The following MED13L variants were observed in gnomAD, a reference collection of about 807,000 sequenced individuals.
MED13L encodes mediator complex subunit 13L.
MED13L carries 7 observed loss-of-function variants against 220.9 expected under a neutral mutation model. The observed-to-expected ratio is 0.03, with a 90% confidence interval of 0.02 to 0.06. The LOEUF is 0.06. MED13L is among the 10% of genes least tolerant of loss of function. The probability of loss-of-function intolerance (pLI) is 1.00; values close to 1 mark genes in which losing one functional copy is unlikely to be tolerated. For synonymous variants in MED13L, 1,011 were observed against 1,015.2 expected (o/e 1.00, Z 0.08); for missense variants, 1,965 against 2,760.5 (o/e 0.71, Z 6.46).
At chr12:116,146,507 ATTC>A (rs896883321) in intron 2 of MED13L, among the ~76,000 whole-genome samples, 1 of 151,654 alleles carries the variant, frequency 6.6e-6, no homozygotes, top group African/African-American at 2.4e-5. Context: ...GCCCAAGACA[ATTC>A]TTCTTTCAGC....
At chr12:116,045,494 T>C (rs1239428989) in intron 4 of MED13L, among the ~76,000 whole-genome samples, 1 of 152,216 alleles carries the variant, frequency 6.6e-6, no homozygotes, top group African/African-American at 2.4e-5. Context: ...GTAGGAGCTC[T>C]TCCTTTACTA....
chr12:116,028,584 T>A (rs1195944523), intron 4 of MED13L, among the ~76,000 whole-genome samples: 5 of 152,166 alleles, frequency 3.3e-5, no homozygotes, highest in African/African-American at 7.2e-5. Flanking sequence ...TTCACCCCTA[T>A]TCAACATCAA....
chr12:116,085,754 T>TCACACACACACACACA (rs10611880), intron 4 of MED13L, among the ~76,000 whole-genome samples: 1 of 147,018 alleles, frequency 6.8e-6, no homozygotes, highest in African/African-American at 2.5e-5. Context: ...TTAAAATCAC[T>TCACACACACACACACA]CACACACACA....
intron 18 of MED13L, 85 bp downstream of exon 18, chr12:115,987,024 C>T (rs1006505688): frequency 1.1e-5 from 15 of 1,366,032 alleles, no homozygotes; most frequent in African/African-American, 5.8e-5. Context: ...TTGTTAGTGA[C>T]GCAAGGACTT....
In MED13L at chr12:116,052,669, AT is replaced by A. The variant is rs1194831692; in HGVS notation, c.480-30069del. Among the ~76,000 whole-genome samples, 11 of 152,344 alleles carry A rather than the reference AT, an allele frequency of 7.2e-5. No homozygotes were observed. The East Asian group carries it at 2.1e-3, about 29-fold the overall frequency. On this transcript the variant is annotated intron_variant, in intron 4 of 30. Coordinates refer to ENST00000281928, the MANE Select transcript of MED13L (RefSeq NM_015335.5). ...TTAAGATTCTGGTTTGCATTACACC[AT>A]TTTGACAAATTAGCCATCCCAATCT... is the stretch of plus-strand genomic sequence containing the variant.
At chr12:116,089,701 C>T (rs1872020818) in intron 4 of MED13L, among the ~76,000 whole-genome samples, 1 of 151,892 alleles carries the variant, frequency 6.6e-6, no homozygotes, top group Non-Finnish European at 1.5e-5. Context: ...TAAATAAATA[C>T]AAAATAAATG....
chr12:116,108,016 G>C (rs1873730873), intron 3 of MED13L, among the ~76,000 whole-genome samples: 1 of 152,028 alleles, frequency 6.6e-6, no homozygotes, highest in Non-Finnish European at 1.5e-5. Flanking sequence ...CTTGAACCTG[G>C]GAGGCGGAGG....
intron 2 of MED13L, among the ~76,000 whole-genome samples, chr12:116,179,787 C>T (rs1293682572): frequency 6.6e-6 from 1 of 151,838 alleles, no homozygotes; most frequent in Non-Finnish European, 1.5e-5. Context: ...TTACATACAA[C>T]CCTACATGGA....
Position 116,008,384 on chromosome 12 carries a change from G to C in MED13L, c.2012+17C>G, listed in dbSNP as rs754589857. 5 of 1,597,962 alleles carry C rather than the reference G, an allele frequency of 3.1e-6. No individual in the cohort carries two copies. The East Asian group carries it at 1.1e-4, about 36-fold the overall frequency. On this transcript the variant is annotated intron_variant, in intron 10 of 30. Coordinates refer to ENST00000281928, the MANE Select transcript of MED13L (RefSeq NM_015335.5). ...CCCTTCCGGTGGACGGGTGGGTGGT[G>C]CAGAGAGCTGTCTTACCTTTGCAAT...
intron 2 of MED13L, among the ~76,000 whole-genome samples, chr12:116,185,124 C>T (rs887007564): frequency 1.3e-5 from 2 of 152,048 alleles, no homozygotes; most frequent in Admixed American, 6.5e-5. Context: ...ATTCTCAAAG[C>T]GCCTCATTTG....
chr12:116,018,835 A>G (rs1879881542), intron 7 of MED13L, among the ~76,000 whole-genome samples: 1 of 151,632 alleles, frequency 6.6e-6, no homozygotes, highest in Non-Finnish European at 1.5e-5. Context: ...CTGGCTGACA[A>G]TGGTCACCGG....
At chr12:116,235,660 T>C (rs1022376949) in intron 2 of MED13L, among the ~76,000 whole-genome samples, 1 of 152,194 alleles carries the variant, frequency 6.6e-6, no homozygotes, top group Non-Finnish European at 1.5e-5. Context: ...CTAAAGCAAC[T>C]ATCCCAAAAT....
At chr12:116,157,763 C>CA (rs1389369877) in intron 2 of MED13L, among the ~76,000 whole-genome samples, 3 of 152,208 alleles carry the variant, frequency 2.0e-5, no homozygotes, top group Admixed American at 2.0e-4. Flanking sequence ...CCCACAAAGA[C>CA]AAACTTTTAT....
In MED13L at chr12:116,008,458, T is replaced by C. The variant is rs764249174; in HGVS notation, c.1955A>G (p.Gln652Arg). 21 of 1,613,258 alleles carry C rather than the reference T, an allele frequency of 1.3e-5. No individual in the cohort carries two copies. Among genetic ancestry groups the C allele is most frequent in the Admixed American group, 5.0e-5 (3 of 60,014 alleles). Residue 652 changes from glutamine (Q) to arginine (R), a missense_variant, in exon 10 of 31, where the codon CAG becomes CGG. Coordinates refer to ENST00000281928, the MANE Select transcript of MED13L (RefSeq NM_015335.5). The stretch of plus-strand genomic sequence containing the variant: ...CATTTTGGCATCACATCTCTCACCC[T>C]GGAGCTCTGGAGGCCTGAACTCAGC... ...DDAEFRPPEL[Q>R]GERCDAKMEV...
chr12:116,073,626 G>C (rs1593012343), intron 4 of MED13L, among the ~76,000 whole-genome samples: 1 of 152,178 alleles, frequency 6.6e-6, no homozygotes, highest in East Asian at 1.9e-4. Flanking sequence ...ACAGATAAAA[G>C]ATAAACTTGG....
intron 4 of MED13L, among the ~76,000 whole-genome samples, chr12:116,031,737 A>AAG (rs1880813481): frequency 1.4e-5 from 1 of 73,846 alleles, no homozygotes; most frequent in Non-Finnish European, 2.4e-5. Context: ...AAAGAAAAGA[A>AAG]AAGAAAAGAA....
chr12:116,063,359 AT>A (rs1168664573), intron 4 of MED13L, among the ~76,000 whole-genome samples: 1 of 152,176 alleles, frequency 6.6e-6, no homozygotes, highest in African/African-American at 2.4e-5. Context: ...AAAAATAAAA[AT>A]AAAAATAATT....
At chr12:116,187,352 T>C (rs889870578) in intron 2 of MED13L, among the ~76,000 whole-genome samples, 1 of 152,198 alleles carries the variant, frequency 6.6e-6, no homozygotes, top group African/African-American at 2.4e-5. Context: ...TACCTCACAG[T>C]AATGATAAAA....
intron 4 of MED13L, among the ~76,000 whole-genome samples, chr12:116,084,787 A>G (rs934324196): frequency 2.4e-4 from 36 of 151,972 alleles, no homozygotes; most frequent in Admixed American, 9.2e-4. Flanking sequence ...AAAAAAAAAA[A>G]AAGAAGTAGA....
Sources: gnomAD v4.1 joint callset for allele counts (sites outside exome capture counted in the v4.1 genomes callset) on GRCh38, gnomAD v4.1.1 for gene constraint, MANE v1.5 for transcripts, NCBI Gene and HGNC (gene_info 2026-07-23, HGNC 2026-07-21) for gene names.